Variants in THSD7B observed in about 807,000 individuals in gnomAD.
The protein encoded by THSD7B is thrombospondin type 1 domain containing 7B.
In THSD7B, 138 loss-of-function variants were observed where a neutral mutation model predicts 213.6. That is an observed-to-expected ratio of 0.65 (90% confidence interval 0.56 to 0.74). THSD7B has a LOEUF of 0.74. THSD7B is among the 30% of genes least tolerant of loss of function. The pLI, the probability that THSD7B is intolerant of heterozygous loss-of-function variation, is 0.00. For missense variants in THSD7B, 1,931 were observed against 1,991.5 expected (o/e 0.97, Z 0.58); for synonymous variants, 742 against 687.0 (o/e 1.08, Z -1.25).
chr2:137,392,843 T>C (rs2104981262), intron 12 of THSD7B, among the ~76,000 whole-genome samples: 1 of 152,260 alleles, frequency 6.6e-6, no homozygotes, highest in African/African-American at 2.4e-5. Context: ...GGTGAAATTG[T>C]CTTTAGGTGA....
chr2:136,981,321 G>C (rs960988859), intron 2 of THSD7B, among the ~76,000 whole-genome samples: 1 of 152,172 alleles, frequency 6.6e-6, no homozygotes, highest in Non-Finnish European at 1.5e-5. Flanking sequence ...GATGATTAAA[G>C]AGAGCAGAAT....
intron 5 of THSD7B, among the ~76,000 whole-genome samples, chr2:137,137,948 G>T (rs1212339498): frequency 6.6e-6 from 1 of 152,030 alleles, no homozygotes; most frequent in African/African-American, 2.4e-5. Context: ...GCTCAGGCTG[G>T]AATGCAGTGG....
intron 12 of THSD7B, among the ~76,000 whole-genome samples, chr2:137,397,440 A>G (rs1472430559): frequency 6.6e-6 from 1 of 151,988 alleles, no homozygotes; most frequent in African/African-American, 2.4e-5. Context: ...GTTTGGCTGG[A>G]TATGAAATTC....
At chr2:136,882,417 C>CAG in intron 2 of THSD7B, 100 bp downstream of exon 2, 1 of 1,226,166 alleles carries the variant, frequency 8.2e-7, no homozygotes, top group African/African-American at 1.7e-5. Flanking sequence ...GGGAAATATC[C>CAG]AGAGAGGAAA....
intron 1 of THSD7B, among the ~76,000 whole-genome samples, chr2:136,805,280 C>T (rs904901222): frequency 1.3e-5 from 2 of 152,150 alleles, no homozygotes; most frequent in Non-Finnish European, 2.9e-5. Context: ...GAGTAGCCAC[C>T]TGTGTTTGCG....
At chr2:137,111,922 G>T (rs1411099802) in intron 4 of THSD7B, among the ~76,000 whole-genome samples, 1 of 152,162 alleles carries the variant, frequency 6.6e-6, no homozygotes, top group Admixed American at 6.5e-5. Flanking sequence ...AACCAAGAGG[G>T]CCAAATGAGG....
intron 3 of THSD7B, among the ~76,000 whole-genome samples, chr2:137,067,291 G>A (rs186604104): frequency 6.6e-5 from 10 of 152,176 alleles, no homozygotes; most frequent in South Asian, 2.1e-4. Flanking sequence ...CAAATGGAAC[G>A]GGGGTAATTA....
intron 1 of THSD7B, among the ~76,000 whole-genome samples, chr2:136,844,310 G>A (rs928281137): frequency 2.6e-5 from 4 of 152,144 alleles, no homozygotes; most frequent in Non-Finnish European, 4.4e-5. Context: ...GAGGAACAAG[G>A]GAGGGAGAAG....
intron 15 of THSD7B, among the ~76,000 whole-genome samples, chr2:137,455,248 G>C (rs529111074): frequency 7.2e-5 from 11 of 152,200 alleles, no homozygotes; most frequent in African/African-American, 2.4e-4. Flanking sequence ...GTGGTGCCTA[G>C]TTCCACAGAA....
intron 2 of THSD7B, among the ~76,000 whole-genome samples, chr2:137,035,603 T>C (rs1019345534): frequency 6.6e-6 from 1 of 152,034 alleles, no homozygotes; most frequent in Admixed American, 6.6e-5. Context: ...TCCTACCAAC[T>C]TGTCTAGGGC....
At chr2:137,490,205 A>G (rs908826843) in intron 15 of THSD7B, among the ~76,000 whole-genome samples, 7 of 152,290 alleles carry the variant, frequency 4.6e-5, no homozygotes, top group African/African-American at 1.7e-4. Flanking sequence ...TAAGTCTCAA[A>G]TAAGAGCAAG....
chr2:137,239,156 T>G (rs1681844264), intron 9 of THSD7B, among the ~76,000 whole-genome samples: 1 of 152,114 alleles, frequency 6.6e-6, no homozygotes, highest in Non-Finnish European at 1.5e-5. Flanking sequence ...TTGAAATAAT[T>G]ATAGATCCAC....
chr2:137,152,604 A>G (rs1364686871), intron 5 of THSD7B, among the ~76,000 whole-genome samples: 2 of 152,240 alleles, frequency 1.3e-5, no homozygotes, highest in Non-Finnish European at 2.9e-5. Context: ...CGATTAGCAT[A>G]GCACCTAGAG....
intron 7 of THSD7B, among the ~76,000 whole-genome samples, chr2:137,221,115 C>T (rs1462652042): frequency 6.6e-6 from 1 of 151,992 alleles, no homozygotes; most frequent in African/African-American, 2.4e-5. Flanking sequence ...GGTGAAACCC[C>T]GTCTCTCTTA....
At position 137,056,898 on chromosome 2, in the gene THSD7B, C is replaced by A. The variant is rs1558902491; in HGVS notation, c.618C>A (p.Val206=). The change falls in exon 3 of 28, where the codon GTC becomes GTA. Residue 206 remains valine (V), a synonymous_variant. Transcript: ENST00000409968. The stretch of plus-strand genomic sequence containing the variant: ...AATTGCAGCATAGAACTCGCGCGGT[C>A]ATAGCTCCCCCTCTCTTTGGTGGTT... The part of the protein sequence containing the change: ...GKKLQHRTRA[V]IAPPLFGGLQ... The A allele has an allele frequency of 6.2e-7, 1 of 1,613,884 alleles. No homozygotes were observed. The highest frequency in any genetic ancestry group is 2.2e-5 in the East Asian group (1 of 44,864).
At chr2:136,845,776 T>A (rs1682999269) in intron 1 of THSD7B, among the ~76,000 whole-genome samples, 1 of 152,212 alleles carries the variant, frequency 6.6e-6, no homozygotes, top group African/African-American at 2.4e-5. Context: ...AGATTAGATT[T>A]AAGTAGTCTG....
chr2:137,442,734 G>A (rs1038873069), intron 14 of THSD7B, among the ~76,000 whole-genome samples: 2 of 152,042 alleles, frequency 1.3e-5, no homozygotes, highest in Non-Finnish European at 2.9e-5. Context: ...AAAGTGTTCA[G>A]GAACAGAACC....
intron 10 of THSD7B, among the ~76,000 whole-genome samples, chr2:137,271,087 G>T (rs72617059): frequency 0.098 from 14,920 of 151,606 alleles, 1,269 homozygotes; most frequent in East Asian, 0.43. Flanking sequence ...ATTTCATTGT[G>T]CTGGCTTTCT....
At chr2:137,365,445 T>G (rs551144189) in intron 12 of THSD7B, among the ~76,000 whole-genome samples, 2 of 151,898 alleles carry the variant, frequency 1.3e-5, no homozygotes, top group Non-Finnish European at 2.9e-5. Context: ...ACCATCAGAG[T>G]GAACAGGCAA....
Sources: allele counts gnomAD v4.1 joint callset (sites outside exome capture counted in the v4.1 genomes callset), GRCh38; gene constraint gnomAD v4.1.1; transcripts MANE v1.5; gene names NCBI Gene and HGNC (gene_info 2026-07-23, HGNC 2026-07-21).